Variants in VWA7 observed in about 807,000 individuals in gnomAD.
The protein encoded by VWA7 is von Willebrand factor A domain containing 7, also known as von Willebrand factor A domain-containing protein 7.
VWA7 carries 66 observed loss-of-function variants against 83.1 expected under a neutral mutation model. The ratio of observed to expected loss-of-function variants is 0.79; its 90% CI spans 0.65 to 0.98. The LOEUF is 0.98. Ranked by LOEUF, VWA7 falls within the 50% of genes least tolerant of loss-of-function variation. The pLI is 0.00. For missense variants in VWA7, 1,080 were observed against 1,160.2 expected, an observed-to-expected ratio of 0.93 and a Z score of 1.00; for synonymous variants, 424 against 488.5, an observed-to-expected ratio of 0.87 and a Z score of 1.74.
Position 31,776,711 on chromosome 6 carries a change from C to A in VWA7, c.69G>T (p.Leu23=). The A allele has an allele frequency of 6.7e-7, 1 of 1,490,856 alleles. No individual in the cohort carries two copies. The highest frequency in any genetic ancestry group is 1.3e-5 in the South Asian group (1 of 76,628). 92.4% of individuals were successfully genotyped at this position (1,490,856 alleles called of 1,614,324 possible). A position where few individuals can be genotyped will look rare whatever the true frequency, so the allele number is the denominator to read the frequency against. Residue 23 remains leucine (L), a synonymous_variant, in exon 2 of 17, where the codon CTG becomes CTT. Coordinates refer to ENST00000375688, the MANE Select transcript of VWA7 (RefSeq NM_025258.3). The surrounding 1 kb of genome is among the most constrained non-coding windows in gnomAD (Gnocchi z 6.2). ...TGGGGAAGAAGGCAGATGTGGGGGG[C>A]AGCAACAGCTGCAGCAGAAGCAACG... ...PSALLLLQLL[L]PPTSAFFPNI...
chr6:31,777,090 C>T lies in VWA7; in HGVS notation c.-16+19G>A. ...TCCCCATGCTCAGGAAGCCTGAGTC[C>T]TCTCAGGCCCTCCCCTACCTGGTTG... On this transcript the variant is annotated intron_variant, in intron 1 of 16. Transcript: ENST00000375688. The surrounding 1 kb of genome is among the most constrained non-coding windows in gnomAD (Gnocchi z 5.8). 2 of 391,470 alleles carry T rather than the reference C, an allele frequency of 5.1e-6. No homozygotes were observed. Among genetic ancestry groups the T allele is most frequent in the Non-Finnish European group, 9.1e-6 (2 of 219,758 alleles). 24.2% of individuals were successfully genotyped at this position (391,470 alleles called of 1,614,324 possible).
chr6:31,767,246 C>A lies in VWA7; in HGVS notation c.1794G>T (p.Gln598His). The A allele has an allele frequency of 6.2e-7, 1 of 1,610,690 alleles. No individual in the cohort carries two copies. Among genetic ancestry groups the A allele is most frequent in the Non-Finnish European group, 8.5e-7 (1 of 1,178,704 alleles). ...AGTGGAAGAGGAAGTCCAGGGAGGT[C>A]TGGGCTGGGAAAGGGCAAAGGCAGT... Reference protein sequence around the residue: ...EDTPGVRVQAQTSLDFLFHFG... With the variant: ...EDTPGVRVQAHTSLDFLFHFG... The change falls in exon 13 of 17, where the codon CAG (glutamine) becomes CAT (histidine). Residue 598 changes from glutamine (Q) to histidine (H), a missense_variant. Gln to His is a conservative substitution (Grantham distance 24). Transcript: ENST00000375688.
Position 31,767,466 on chromosome 6 carries a change from C to G in VWA7, c.1685G>C (p.Arg562Pro). 6.2e-7 allele frequency: 1 copy of G among 1,612,822 alleles called. No individual in the cohort carries two copies. Among genetic ancestry groups the G allele is most frequent in the Non-Finnish European group, 8.5e-7 (1 of 1,179,736 alleles). The stretch of plus-strand genomic sequence containing the variant: ...CACCATCCAGAACTGCCCAAAGCGG[C>G]GAGTGTGACCTAGAGGACCCCCGCC... Reference protein sequence around the residue: ...EEGGGPLGHTRRFGQFWMVTM... With the variant: ...EEGGGPLGHTPRFGQFWMVTM... Residue 562 changes from arginine (R) to proline (P), a missense_variant, in exon 12 of 17, where the codon CGC becomes CCC. Arg to Pro is a moderately radical substitution (Grantham distance 103). Transcript: ENST00000375688.
At position 31,772,953 on chromosome 6, in the gene VWA7, C is replaced by A; in HGVS notation, c.1087+1G>T. 6.2e-7 allele frequency: 1 copy of A among 1,610,360 alleles called. No individual in the cohort carries two copies. The highest frequency in any genetic ancestry group is 8.5e-7 in the Non-Finnish European group (1 of 1,179,756). The stretch of plus-strand genomic sequence containing the variant: ...TACTGTCCTAGCCAGACCACACTTA[C>A]CTGGGTCATGAAAAGGCACCAGGAC... On this transcript the variant is annotated splice_donor_variant, in intron 7 of 16. Coordinates refer to ENST00000375688, the MANE Select transcript of VWA7 (RefSeq NM_025258.3). LOFTEE classifies it high-confidence loss of function.
rs759845609 is a variant in VWA7, at chr6:31,769,053, C to T, written c.1468G>A (p.Val490Met). ...ATGCTCTCCCCAACAATGGCTGCCA[C>T]GTCTCGAATGTGCTGGTCTTTGGTG... Reference protein sequence around the residue: ...IFTKDQHIRDVAAIVGESMAA... With the variant: ...IFTKDQHIRDMAAIVGESMAA... Residue 490 changes from valine (V) to methionine (M), a missense_variant, in exon 10 of 17, where the codon GTG becomes ATG. By Grantham distance (21) the Val-to-Met change is conservative. Coordinates refer to ENST00000375688, the MANE Select transcript of VWA7 (RefSeq NM_025258.3). The surrounding 1 kb of genome is among the most constrained non-coding windows in gnomAD (Gnocchi z 4.5). 1.1e-5 allele frequency: 17 copies of T among 1,612,722 alleles called. No individual in the cohort carries two copies. The highest frequency in any genetic ancestry group is 5.0e-5 in the Admixed American group (3 of 59,948).
chr6:31,776,799 G>A lies in VWA7; in HGVS notation c.-15-5C>T. On this transcript the variant is annotated splice_region_variant and splice_polypyrimidine_tract_variant and intron_variant, in intron 1 of 16. Transcript: ENST00000375688. This position sits in a 1 kb window ranked among gnomAD's most constrained non-coding sequence, Gnocchi z 6.2. Reference sequence around the variant, plus strand: ...GAGCATGGCTGAGACATGGACCTGGGAGACAGAAGGCTCTCAAGGGAGGAG... The same window carrying A: ...GAGCATGGCTGAGACATGGACCTGGAAGACAGAAGGCTCTCAAGGGAGGAG... 6 of 1,351,758 alleles carry A rather than the reference G, an allele frequency of 4.4e-6. No individual in the cohort carries two copies. Among genetic ancestry groups the A allele is most frequent in the Non-Finnish European group, 3.9e-6 (4 of 1,033,352 alleles). The allele number at this position is 1,351,758 out of a possible 1,614,324, so 83.7% of individuals were successfully genotyped here.
Position 31,776,610 on chromosome 6 carries a change from G to T in VWA7, c.170C>A (p.Thr57Asn). The change falls in exon 2 of 17, where the codon ACC becomes AAC. Residue 57 changes from threonine to asparagine, a missense_variant. Coordinates refer to ENST00000375688, the MANE Select transcript of VWA7 (RefSeq NM_025258.3). This position sits in a 1 kb window ranked among gnomAD's most constrained non-coding sequence, Gnocchi z 6.2. The part of the protein sequence containing the change: ...DLTEEAALNV[T>N]LQLFLEQPPP... ...TGGCTGCTCCAGGAAGAGCTGCAGG[G>T]TGACGTTGAGCGCTGCCTCCTCAGT... 6.5e-7 allele frequency: 1 copy of T among 1,549,590 alleles called. No homozygotes were observed. The highest frequency in any genetic ancestry group is 1.2e-5 in the South Asian group (1 of 83,874).
chr6:31,776,761 G>T lies in VWA7; in HGVS notation c.19C>A (p.Pro7Thr), dbSNP rs1812722635. 2 of 1,447,514 alleles carry T rather than the reference G, an allele frequency of 1.4e-6. No homozygotes were observed. The highest frequency in any genetic ancestry group is 5.3e-5 in the Admixed American group (2 of 37,602). The allele number at this position is 1,447,514 out of a possible 1,614,324, so 89.7% of individuals were successfully genotyped here. The change falls in exon 2 of 17, where the codon CCC becomes ACC. Residue 7 changes from proline (P) to threonine (T), a missense_variant. By Grantham distance (38) the Pro-to-Thr change is conservative. Transcript: ENST00000375688. The surrounding 1 kb of genome is among the most constrained non-coding windows in gnomAD (Gnocchi z 6.2). MLPTEVPQSHPGPSALL... is the reference protein window; with the variant it reads MLPTEVTQSHPGPSALL... ...GCTGAGGGGCCCGGGTGGGATTGGGGGACCTCCGTGGGGAGCATGGCTGAG... is the reference window on the plus strand; with the variant it reads ...GCTGAGGGGCCCGGGTGGGATTGGGTGACCTCCGTGGGGAGCATGGCTGAG...
Position 31,776,922 on chromosome 6 carries a change from C to T in VWA7, c.-15-128G>A, listed in dbSNP as rs912119569. 7.9e-6 allele frequency: 4 copies of T among 508,434 alleles called. No individual in the cohort carries two copies. Among genetic ancestry groups the T allele is most frequent in the Non-Finnish European group, 1.3e-5 (4 of 299,502 alleles). The allele number at this position is 508,434 out of a possible 1,614,324, so 31.5% of individuals were successfully genotyped here. ...GTCTGCTCCAGCCTGGCTTCCCCAC[C>T]CTCTCGCTGTCACCCAGACAACCTG... On this transcript the variant is annotated intron_variant, in intron 1 of 16. Transcript: ENST00000375688. This position sits in a 1 kb window ranked among gnomAD's most constrained non-coding sequence, Gnocchi z 6.2.
chr6:31,771,027 G>C (rs3101016), intron 7 of VWA7, among the ~76,000 whole-genome samples: 1 of 133,848 alleles, frequency 7.5e-6, no homozygotes, highest in Non-Finnish European at 1.6e-5. Context: ...AAAAAAAAAA[G>C]AAAGAAAAGA....
chr6:31,772,467 G>T (rs927118466), intron 7 of VWA7, among the ~76,000 whole-genome samples: 3 of 149,920 alleles, frequency 2.0e-5, no homozygotes, highest in African/African-American at 7.4e-5. Context: ...CTAATTTTCT[G>T]TATGCACACA....
In VWA7 at chr6:31,776,133, T is replaced by C. The variant is rs1415619693; in HGVS notation, c.344A>G (p.Asp115Gly). 1 of 1,613,870 alleles carries C rather than the reference T, an allele frequency of 6.2e-7. No individual in the cohort carries two copies. The highest frequency in any genetic ancestry group is 2.2e-5 in the East Asian group (1 of 44,874). The stretch of plus-strand genomic sequence containing the variant: ...GTCATTCCTGGAAGTTGGCAGGAAG[T>C]CCTGGGCTGCATTGGCACGAGACAC... The part of the protein sequence containing the change: ...GEVSRANAAQ[D>G]FLPTSRNDPD... The change falls in exon 3 of 17, where the codon GAC becomes GGC. Residue 115 changes from aspartate to glycine, a missense_variant. Physicochemically the swap from Asp to Gly is moderately conservative, Grantham distance 94. Transcript: ENST00000375688. This position sits in a 1 kb window ranked among gnomAD's most constrained non-coding sequence, Gnocchi z 6.2.
Position 31,767,390 on chromosome 6 carries a change from A to G in VWA7, c.1761T>C (p.Ala587=), listed in dbSNP as rs151338540. 1.2e-6 allele frequency: 2 copies of G among 1,613,076 alleles called. No homozygotes were observed. ...QTGTWEIQVT[A]EDTPGVRVQA... ...GCACTCTCACCCCAGGGGTGTCCTC[A>G]GCTGTGACCTGGATCTCCCAGGTTC... The change falls in exon 12 of 17, where the codon GCT becomes GCC. Residue 587 remains alanine, a synonymous_variant. Transcript: ENST00000375688.
At chr6:31,768,684 A>C (rs1811870756) in intron 10 of VWA7, among the ~76,000 whole-genome samples, 1 of 152,150 alleles carries the variant, frequency 6.6e-6, no homozygotes, top group Non-Finnish European at 1.5e-5. Flanking sequence ...TCTACTAAAA[A>C]AATACAAAAA....
intron 7 of VWA7, chr6:31,771,537 A>C (rs1300769137): frequency 6.6e-6 from 1 of 152,266 alleles, no homozygotes; most frequent in Admixed American, 6.5e-5. Flanking sequence ...GAAAGTTTAC[A>C]TGACCAGCCT....
intron 7 of VWA7, chr6:31,771,478 CTGA>C: frequency 6.6e-6 from 1 of 152,344 alleles, no homozygotes; most frequent in South Asian, 2.1e-4. Context: ...CTGCCCCACC[CTGA>C]TGTGATAACT....
In VWA7 at chr6:31,775,825, C is replaced by A. The variant is rs1405983460; in HGVS notation, c.513+139G>T. The A allele has an allele frequency of 2.9e-6, 4 of 1,387,574 alleles. 1 individual carries two copies. The highest frequency in any genetic ancestry group is 4.6e-5 in the East Asian group (2 of 43,348). 86.0% of individuals were successfully genotyped at this position (1,387,574 alleles called of 1,614,324 possible). The stretch of plus-strand genomic sequence containing the variant: ...TTGGAGGTGGGGAACTGGGACACAG[C>A]CTCGGGGCACCGCGTGCCAGTGCCC... On this transcript the variant is annotated intron_variant, in intron 3 of 16. Transcript: ENST00000375688. This position sits in a 1 kb window ranked among gnomAD's most constrained non-coding sequence, Gnocchi z 5.9.
Position 31,766,845 on chromosome 6 carries a change from G to T in VWA7, c.1883-81C>A, listed in dbSNP as rs1249807280. ...AAGAATTAATGGCCTTCAAAATAGGGGTTCCCTCTGGGGAGTATGGATGGG... is the reference window on the plus strand; with the variant it reads ...AAGAATTAATGGCCTTCAAAATAGGTGTTCCCTCTGGGGAGTATGGATGGG... On this transcript the variant is annotated intron_variant, in intron 13 of 16. Transcript: ENST00000375688. The surrounding 1 kb of genome is among the most constrained non-coding windows in gnomAD (Gnocchi z 4.9). The T allele has an allele frequency of 2.0e-6, 3 of 1,474,548 alleles. No homozygotes were observed. The highest frequency in any genetic ancestry group is 2.7e-6 in the Non-Finnish European group (3 of 1,095,286). 91.3% of individuals were successfully genotyped at this position (1,474,548 alleles called of 1,614,324 possible).
Position 31,777,027 on chromosome 6 carries a change from A to G in VWA7, c.-16+82T>C. On this transcript the variant is annotated intron_variant, in intron 1 of 16. Coordinates refer to ENST00000375688, the MANE Select transcript of VWA7 (RefSeq NM_025258.3). The surrounding 1 kb of genome is among the most constrained non-coding windows in gnomAD (Gnocchi z 5.8). ...GTTCCTCCCCCACGCCCCCCTCCCC[A>G]GTCCCTGGCTGCGTCCCCAGCCCTG... The G allele has an allele frequency of 2.4e-6, 1 of 415,342 alleles. No homozygotes were observed. The highest frequency in any genetic ancestry group is 8.6e-5 in the South Asian group (1 of 11,650). 25.7% of individuals were successfully genotyped at this position (415,342 alleles called of 1,614,324 possible). A position where few individuals can be genotyped will look rare whatever the true frequency, so the allele number is the denominator to read the frequency against.
Sources: gnomAD v4.1 joint callset for allele counts (sites outside exome capture counted in the v4.1 genomes callset) on GRCh38, gnomAD v4.1.1 for gene constraint, Gnocchi (gnomAD v3.1) non-coding constraint, MANE v1.5 for transcripts, NCBI Gene and HGNC (gene_info 2026-07-23, HGNC 2026-07-21) for gene names.